Variants in ABCC11 observed in about 807,000 individuals in gnomAD.
ABCC11 encodes ATP binding cassette subfamily C member 11.
In ABCC11, 135 loss-of-function variants were observed where a neutral mutation model predicts 149.3. That is an observed-to-expected ratio of 0.90 (90% CI 0.79 to 1.04). The LOEUF (loss-of-function observed/expected upper bound fraction) is 1.04. Ranked by LOEUF, ABCC11 falls within the 50% of genes least tolerant of loss-of-function variation. ABCC11 has a pLI of 0.00. For missense variants in ABCC11, 1,680 were observed against 1,722.1 expected, an observed-to-expected ratio of 0.98 and a Z score of 0.43; for synonymous variants, 665 against 671.4, an observed-to-expected ratio of 0.99 and a Z score of 0.15.
At chr16:48,191,331 T>A (rs866472445) in intron 20 of ABCC11, among the ~76,000 whole-genome samples, 2 of 151,632 alleles carry the variant, frequency 1.3e-5, no homozygotes, top group East Asian at 1.9e-4. Flanking sequence ...AGCCCAGGAG[T>A]TCAAGACCAG....
intron 1 of ABCC11, chr16:48,244,394 A>C: frequency 1.9e-6 from 3 of 1,548,590 alleles, no homozygotes; most frequent in Non-Finnish European, 2.6e-6. Flanking sequence ...CCAGCATGTC[A>C]TCAGTGAGCC....
Position 48,170,210 on chromosome 16 carries a change from CTT to C in ABCC11, c.3784_3785del (p.Lys1262ValfsTer41). ...ERTFLTKAIS[K>X]FPKKLHTDVV... ...CATCTGTATGCAGCTTTTTGGGGAACTTTGAGATCTGCGATATGGGAAGAAGA... is the reference window on the plus strand; with the variant it reads ...CATCTGTATGCAGCTTTTTGGGGAACTGAGATCTGCGATATGGGAAGAAGA... On this transcript the variant is annotated frameshift_variant, in exon 28 of 30. Coordinates refer to ENST00000356608, the MANE Select transcript of ABCC11 (RefSeq NM_001370497.1). LOFTEE classifies it high-confidence loss of function. 1 of 1,613,148 alleles carries C rather than the reference CTT, an allele frequency of 6.2e-7. No individual in the cohort carries two copies. The highest frequency in any genetic ancestry group is 1.1e-5 in the South Asian group (1 of 91,066).
At chr16:48,177,217 G>T in intron 24 of ABCC11, 104 bp from the exon 25 acceptor site, 2 of 1,194,510 alleles carry the variant, frequency 1.7e-6, no homozygotes, top group South Asian at 1.5e-5. Context: ...ACCCACCCCA[G>T]CCTGCCTTGC....
intron 20 of ABCC11, among the ~76,000 whole-genome samples, chr16:48,192,111 C>T (rs1398542926): frequency 6.6e-6 from 1 of 151,820 alleles, no homozygotes; most frequent in Admixed American, 6.6e-5. Flanking sequence ...GAGCAAGACC[C>T]CATCTCTACA....
At chr16:48,184,391 A>G in intron 23 of ABCC11, 49 bp downstream of exon 23, 2 of 1,587,106 alleles carry the variant, frequency 1.3e-6, no homozygotes, top group Non-Finnish European at 8.6e-7. Flanking sequence ...AGCCACAGGC[A>G]GAGGATGAGC....
intron 14 of ABCC11, among the ~76,000 whole-genome samples, chr16:48,201,474 C>CTTTTT (rs560323114): frequency 3.2e-3 from 399 of 123,412 alleles, no homozygotes; most frequent in Non-Finnish European, 4.2e-3. Context: ...TTTTCTTTTT[C>CTTTTT]TTTTTTTTTT....
chr16:48,181,285 G>T (rs1297907034), intron 23 of ABCC11, among the ~76,000 whole-genome samples: 6 of 152,184 alleles, frequency 3.9e-5, no homozygotes, highest in Non-Finnish European at 8.8e-5. Flanking sequence ...GAGAGAGAAT[G>T]TGAGCCTGTG....
chr16:48,176,131 A>C (rs1966053292), intron 25 of ABCC11: 1 of 152,222 alleles, frequency 6.6e-6, no homozygotes, highest in South Asian at 2.1e-4. Context: ...ACCAATCGGC[A>C]GGTGGAAAAT....
At chr16:48,214,680 G>A (rs1052370544) in intron 9 of ABCC11, among the ~76,000 whole-genome samples, 14 of 152,162 alleles carry the variant, frequency 9.2e-5, no homozygotes, top group Middle Eastern at 3.2e-3. Context: ...TGTCCAGCCC[G>A]CCCACAGGGC....
At position 48,200,469 on chromosome 16, in the gene ABCC11, C is replaced by T. The variant is rs749170198; in HGVS notation, c.1889G>A (p.Arg630Gln). 8.1e-6 allele frequency: 13 copies of T among 1,613,856 alleles called. No individual in the cohort carries two copies. The highest frequency in any genetic ancestry group is 6.7e-5 in the East Asian group (3 of 44,874). The change falls in exon 15 of 30, where the codon CGG becomes CAG. Residue 630 changes from arginine to glutamine, a missense_variant. Physicochemically the swap from Arg to Gln is conservative, Grantham distance 43. Transcript: ENST00000356608. ...PFGDMTEIGERGLNLSGGQKQ... is the reference protein window; with the variant it reads ...PFGDMTEIGEQGLNLSGGQKQ... ...CTGCCCCCCAGAGAGGTTGAGGCCCCGCTCTCCAATCTGCAGACAGGCAGT... is the reference window on the plus strand; with the variant it reads ...CTGCCCCCCAGAGAGGTTGAGGCCCTGCTCTCCAATCTGCAGACAGGCAGT...
intron 1 of ABCC11, among the ~76,000 whole-genome samples, chr16:48,238,010 T>C (rs2150934262): frequency 6.6e-6 from 1 of 152,364 alleles, no homozygotes; most frequent in Middle Eastern, 3.4e-3. Flanking sequence ...CCCACTAGAA[T>C]GTCAGCTTCA....
intron 14 of ABCC11, among the ~76,000 whole-genome samples, chr16:48,202,040 G>T (rs939376064): frequency 6.6e-6 from 1 of 152,074 alleles, no homozygotes; most frequent in African/African-American, 2.4e-5. Context: ...GCTTGATCTG[G>T]CCAAAGCCCA....
At chr16:48,227,687 C>A in intron 4 of ABCC11, 119 bp downstream of exon 4, 1 of 1,334,222 alleles carries the variant, frequency 7.5e-7, no homozygotes. Flanking sequence ...CCTCTTCCTA[C>A]AGGAAGAGCC....
chr16:48,176,583 C>T (rs1031959772), intron 25 of ABCC11, among the ~76,000 whole-genome samples: 9 of 152,166 alleles, frequency 5.9e-5, no homozygotes, highest in Admixed American at 1.3e-4. Context: ...CCCTATACCC[C>T]TCAGCTTAAG....
intron 20 of ABCC11, among the ~76,000 whole-genome samples, chr16:48,189,246 G>A (rs1478929866): frequency 6.6e-6 from 1 of 152,244 alleles, no homozygotes; most frequent in Non-Finnish European, 1.5e-5. Context: ...GCATGGCAGG[G>A]TTGTGGAGGG....
intron 22 of ABCC11, among the ~76,000 whole-genome samples, chr16:48,185,667 G>C (rs192871803): frequency 2.0e-5 from 3 of 152,108 alleles, no homozygotes; most frequent in Admixed American, 2.0e-4. Flanking sequence ...CATCTGAGTG[G>C]GCTATCACCC....
intron 4 of ABCC11, 57 bp from the exon 5 acceptor site, chr16:48,224,486 C>T (rs1969945813): frequency 1.0e-5 from 16 of 1,578,314 alleles, no homozygotes; most frequent in East Asian, 4.5e-5. Context: ...ATCCAAACAT[C>T]CTAGTTCTTG....
At chr16:48,211,809 C>G (rs903040624) in intron 10 of ABCC11, among the ~76,000 whole-genome samples, 1 of 152,194 alleles carries the variant, frequency 6.6e-6, no homozygotes, top group African/African-American at 2.4e-5. Context: ...CTCTCTGCAT[C>G]TCCAGCTCCC....
chr16:48,232,017 A>G (rs914515122), intron 1 of ABCC11, 78 bp from the exon 2 acceptor site: 30 of 1,588,510 alleles, frequency 1.9e-5, no homozygotes, highest in Non-Finnish European at 2.1e-5. Flanking sequence ...GAGCAGCCAG[A>G]AGAGGGGGCA....
Sources: gnomAD v4.1 joint callset for allele counts (sites outside exome capture counted in the v4.1 genomes callset) on GRCh38, gnomAD v4.1.1 for gene constraint, MANE v1.5 for transcripts, NCBI Gene and HGNC (gene_info 2026-07-23, HGNC 2026-07-21) for gene names.